Variants in FOXP1 observed in about 807,000 individuals in gnomAD.
FOXP1 encodes the protein forkhead box protein P1.
A neutral mutation model predicts 98.2 loss-of-function variants in FOXP1; 15 were observed. The ratio of observed to expected loss-of-function variants is 0.15; its 90% confidence interval spans 0.10 to 0.24. The LOEUF (loss-of-function observed/expected upper bound fraction) is 0.24, where lower values mean the gene tolerates loss of function less well. Among genes scored for constraint, FOXP1 ranks in the 10% least tolerant of loss-of-function variants. The pLI is 1.00. For missense variants in FOXP1, 633 were observed against 848.5 expected (o/e 0.75, Z 3.15); for synonymous variants, 371 against 314.5 (o/e 1.18, Z -1.90).
chr3:70,966,164 G>C, intron 19 of FOXP1, 108 bp from the exon 20 acceptor site: 1 of 1,024,886 alleles, frequency 9.8e-7, no homozygotes. Flanking sequence ...ATTGTAGCAT[G>C]GCTGGCAAAT....
At chr3:71,376,575 T>A (rs534664966) in intron 3 of FOXP1, among the ~76,000 whole-genome samples, 82 of 152,254 alleles carry the variant, frequency 5.4e-4, no homozygotes, top group Non-Finnish European at 1.0e-3. Context: ...TTGGAACTTG[T>A]GGCCATCTGA....
At chr3:71,016,436 T>A (rs2107748339) in intron 11 of FOXP1, among the ~76,000 whole-genome samples, 1 of 152,298 alleles carries the variant, frequency 6.6e-6, no homozygotes, top group East Asian at 1.9e-4. Context: ...TTCTCAAATA[T>A]TTTCTCTATT....
intron 6 of FOXP1, among the ~76,000 whole-genome samples, chr3:71,150,478 G>A (rs1200357262): frequency 6.6e-6 from 1 of 151,502 alleles, no homozygotes; most frequent in African/African-American, 2.4e-5. Context: ...AGTCTGGCAG[G>A]AGGTGAAAAA....
At position 70,958,957 on chromosome 3, in the gene FOXP1, A is replaced by G. The variant is rs570143677; in HGVS notation, c.*290T>C. ...AAAAGTGAATCAGTTTAGCAAATTT[A>G]CAACACTGATGTTGACGGTTAAGAG... On this transcript the variant is annotated 3_prime_UTR_variant, in exon 21 of 21. Transcript: ENST00000649528. The G allele has an allele frequency of 2.3e-6, 1 of 434,080 alleles. No homozygotes were observed. The highest frequency in any genetic ancestry group is 2.0e-5 in the African/African-American group (1 of 50,726). 26.9% of individuals were successfully genotyped at this position (434,080 alleles called of 1,614,324 possible). A position where few individuals can be genotyped will look rare whatever the true frequency, so the allele number is the denominator to read the frequency against.
At chr3:70,967,388 T>C (rs554546945) in intron 19 of FOXP1, among the ~76,000 whole-genome samples, 2 of 152,316 alleles carry the variant, frequency 1.3e-5, no homozygotes, top group East Asian at 3.9e-4. Context: ...CATTGGATAA[T>C]GGACTGTTTC....
chr3:71,480,491 T>G (rs2090187356), intron 3 of FOXP1, among the ~76,000 whole-genome samples: 1 of 152,226 alleles, frequency 6.6e-6, no homozygotes, highest in African/African-American at 2.4e-5. Flanking sequence ...TCACAATGTT[T>G]CGTTCCCAAA....
chr3:71,329,059 G>A (rs979534076), intron 4 of FOXP1, among the ~76,000 whole-genome samples: 1 of 147,790 alleles, frequency 6.8e-6, no homozygotes, highest in Admixed American at 6.9e-5. Context: ...TCCTCCACCT[G>A]TGACTGGCTT....
intron 7 of FOXP1, among the ~76,000 whole-genome samples, chr3:71,099,105 T>C (rs2056734248): frequency 6.6e-6 from 1 of 152,170 alleles, no homozygotes; most frequent in South Asian, 2.1e-4. Flanking sequence ...CAAAAGTTGA[T>C]TATAAGCAAA....
chr3:71,434,734 G>C (rs768611803), intron 3 of FOXP1, among the ~76,000 whole-genome samples: 21 of 151,556 alleles, frequency 1.4e-4, no homozygotes, highest in Non-Finnish European at 2.8e-4. Flanking sequence ...TCTTACCACA[G>C]ATGTTGTATT....
At chr3:71,027,942 T>A (rs970474460) in intron 11 of FOXP1, among the ~76,000 whole-genome samples, 1 of 152,128 alleles carries the variant, frequency 6.6e-6, no homozygotes, top group Non-Finnish European at 1.5e-5. Flanking sequence ...TTCTACCCAA[T>A]TCTCTAGTTG....
intron 5 of FOXP1, chr3:71,292,566 C>G (rs769527892): frequency 4.6e-5 from 7 of 152,116 alleles, no homozygotes; most frequent in Non-Finnish European, 7.3e-5. Flanking sequence ...AACTCCCAAC[C>G]TCAAGTGATC....
At chr3:71,180,884 G>A (rs765521813) in intron 6 of FOXP1, among the ~76,000 whole-genome samples, 2 of 152,166 alleles carry the variant, frequency 1.3e-5, no homozygotes, top group Non-Finnish European at 2.9e-5. Context: ...AAACATTTGT[G>A]TGTGGGGCCC....
rs1233183950 is a variant in FOXP1, at chr3:71,404,647, TG to T, written c.-167-45404del. On this transcript the variant is annotated intron_variant, in intron 3 of 20. Transcript: ENST00000649528. ...TCACAGTAAATAACAATAATTTGCTTGGAATATTGTTCCATACAGCATTTCA... is the reference window on the plus strand; with the variant it reads ...TCACAGTAAATAACAATAATTTGCTTGAATATTGTTCCATACAGCATTTCA... Among the ~76,000 whole-genome samples the T allele has an allele frequency of 4.6e-5, 7 of 152,308 alleles. No homozygotes were observed. The East Asian group carries it at 1.3e-3, about 29-fold the overall frequency.
At chr3:71,200,497 T>G (rs1355425063) in intron 5 of FOXP1, among the ~76,000 whole-genome samples, 1 of 152,160 alleles carries the variant, frequency 6.6e-6, no homozygotes, top group East Asian at 1.9e-4. Flanking sequence ...TTTTTAAAGT[T>G]GAGGTTCAGT....
intron 5 of FOXP1, among the ~76,000 whole-genome samples, chr3:71,269,137 C>T (rs1274843809): frequency 6.8e-6 from 1 of 147,682 alleles, no homozygotes; most frequent in Non-Finnish European, 1.5e-5. Flanking sequence ...TGATGATGCA[C>T]ACAAAACTTC....
intron 2 of FOXP1, among the ~76,000 whole-genome samples, chr3:71,564,869 C>G (rs2046794716): frequency 6.6e-6 from 1 of 152,140 alleles, no homozygotes; most frequent in Non-Finnish European, 1.5e-5. Context: ...AATCTCAGCA[C>G]TTTGGGAGGC....
intron 2 of FOXP1, among the ~76,000 whole-genome samples, chr3:71,525,523 G>A (rs748006438): frequency 2.0e-5 from 3 of 152,164 alleles, no homozygotes; most frequent in Admixed American, 6.5e-5. Context: ...AAACTCTCAA[G>A]TGATTCTCAT....
chr3:71,509,522 A>G (rs1053187819), intron 2 of FOXP1, among the ~76,000 whole-genome samples: 4 of 152,164 alleles, frequency 2.6e-5, no homozygotes, highest in African/African-American at 9.7e-5. Context: ...CGAGTGAGGT[A>G]CTGGGGGTGA....
chr3:71,033,196 G>A (rs1404354583), intron 11 of FOXP1, among the ~76,000 whole-genome samples: 6 of 152,246 alleles, frequency 3.9e-5, no homozygotes, highest in Non-Finnish European at 7.4e-5. Flanking sequence ...TGCCAACAAA[G>A]GAATTTGGCA....
Sources: allele counts gnomAD v4.1 joint callset (sites outside exome capture counted in the v4.1 genomes callset), GRCh38; gene constraint gnomAD v4.1.1; transcripts MANE v1.5; gene names NCBI Gene and HGNC (gene_info 2026-07-23, HGNC 2026-07-21).